The following SYNE1 variants were observed in gnomAD, a reference collection of about 807,000 sequenced individuals.
The protein encoded by SYNE1 is spectrin repeat containing nuclear envelope protein 1.
A neutral mutation model predicts 1,111.0 loss-of-function variants in SYNE1; 616 were observed. That is an observed-to-expected ratio of 0.55 (90% CI 0.52 to 0.59). The LOEUF is 0.59. SYNE1 is among the 20% of genes least tolerant of loss of function. SYNE1 has a pLI of 0.00. For synonymous variants in SYNE1, 3,855 were observed against 3,825.8 expected, an observed-to-expected ratio of 1.01 and a Z score of -0.28; for missense variants, 10,006 against 10,417.0, an observed-to-expected ratio of 0.96 and a Z score of 1.72.
chr6:152,320,285 G>C (rs747146205), intron 84 of SYNE1: 3 of 152,142 alleles, frequency 2.0e-5, no homozygotes, highest in Non-Finnish European at 4.4e-5. Flanking sequence ...AGTAGTTTAG[G>C]TCAAAGTCAT....
chr6:152,445,888 CTAAG>C (rs2098582840), intron 29 of SYNE1, among the ~76,000 whole-genome samples: 1 of 152,070 alleles, frequency 6.6e-6, no homozygotes, highest in African/African-American at 2.4e-5. Context: ...TCTGCTTTCA[CTAAG>C]TAAGTGATCA....
rs79943031 is a variant in SYNE1 at position 152,298,446 on chromosome 6, A to G, written c.17682+2195T>C. ...GCCTCGGTATTTCTACCTTCAAGTA[A>G]GCTAAACTGTTATTACATTTTAGCT... On this transcript the variant is annotated intron_variant, in intron 93 of 145. Coordinates refer to ENST00000367255, the MANE Select transcript of SYNE1 (RefSeq NM_182961.4). 7.1e-3 allele frequency among the ~76,000 whole-genome samples: 1,087 copies of G among 152,336 alleles called. 5 individuals are homozygous for G. The highest frequency in any genetic ancestry group is 0.011 in the Non-Finnish European group (742 of 68,026).
chr6:152,514,068 G>A (rs1173312547), intron 6 of SYNE1, among the ~76,000 whole-genome samples: 1 of 152,156 alleles, frequency 6.6e-6, no homozygotes, highest in Non-Finnish European at 1.5e-5. Flanking sequence ...AAGACAGTGT[G>A]GTGATTCCTC....
At chr6:152,301,035 C>G (rs771398897) in intron 92 of SYNE1, among the ~76,000 whole-genome samples, 1 of 152,168 alleles carries the variant, frequency 6.6e-6, no homozygotes, top group East Asian at 1.9e-4. Flanking sequence ...TGATTAAATA[C>G]TTCATTATTT....
chr6:152,451,351 C>A, intron 25 of SYNE1, 146 bp from the exon 26 acceptor site: 1 of 753,116 alleles, frequency 1.3e-6, no homozygotes. Flanking sequence ...CACACCTGGT[C>A]TCTCTACTTT....
intron 24 of SYNE1, 118 bp from the exon 25 acceptor site, chr6:152,453,838 C>T (rs2098672172): frequency 8.1e-7 from 1 of 1,227,670 alleles, no homozygotes; most frequent in Non-Finnish European, 1.2e-6. Flanking sequence ...CTCTTGCAGA[C>T]TTCCAGGCAC....
chr6:152,604,543 A>G (rs758689418), intron 3 of SYNE1, among the ~76,000 whole-genome samples: 5 of 152,108 alleles, frequency 3.3e-5, no homozygotes, highest in Non-Finnish European at 5.9e-5. Flanking sequence ...GACTCAAACA[A>G]TCCACCCACT....
intron 126 of SYNE1, among the ~76,000 whole-genome samples, chr6:152,204,074 T>G (rs1012450608): frequency 1.3e-5 from 2 of 152,082 alleles, no homozygotes; most frequent in Admixed American, 6.6e-5. Flanking sequence ...CTAAAAGAGA[T>G]AAGATCATCA....
At chr6:152,144,593 T>C (rs2059130549) in intron 137 of SYNE1, 1 of 152,190 alleles carries the variant, frequency 6.6e-6, no homozygotes, top group Non-Finnish European at 1.5e-5. Flanking sequence ...TAAGCTTTAT[T>C]AAATGTTTTT....
In SYNE1 at chr6:152,407,051, T is replaced by C; in HGVS notation, c.6686A>G (p.Asn2229Ser). The C allele has an allele frequency of 1.9e-6, 3 of 1,614,036 alleles. No homozygotes were observed. Among genetic ancestry groups the C allele is most frequent in the Non-Finnish European group, 2.5e-6 (3 of 1,179,992 alleles). Reference sequence around the variant, plus strand: ...AAGCAGTTCTTCAGCTCTGAGGTGGTTATCCAGGTTGCTGATGTTTTCTGC... The same window carrying C: ...AAGCAGTTCTTCAGCTCTGAGGTGGCTATCCAGGTTGCTGATGTTTTCTGC... ...QMAENISNLD[N>S]HLRAEELLKE... Residue 2229 changes from asparagine to serine, a missense_variant, in exon 45 of 146, where the codon AAC (asparagine) becomes AGC (serine). Transcript: ENST00000367255.
intron 3 of SYNE1, among the ~76,000 whole-genome samples, chr6:152,554,830 G>A (rs887500761): frequency 4.6e-5 from 7 of 152,276 alleles, no homozygotes; most frequent in Admixed American, 2.0e-4. Context: ...GGATTGCCAA[G>A]TAGTGGCATG....
chr6:152,156,179 G>T, intron 131 of SYNE1, 82 bp from the exon 132 acceptor site: 1 of 1,418,412 alleles, frequency 7.1e-7, no homozygotes, highest in Non-Finnish European at 1.0e-6. Flanking sequence ...GTTGGTAAAT[G>T]GCTAGGCTAC....
rs12528097 is a variant in SYNE1 at position 152,540,178 on chromosome 6, G to A, written c.68-157C>T. On this transcript the variant is annotated intron_variant, in intron 3 of 145. Transcript: ENST00000367255. Reference sequence around the variant, plus strand: ...TTGAAGGGAAAAGTCAACAAGAGTCGATCTACATAATCATATAGACTATTC... The same window carrying A: ...TTGAAGGGAAAAGTCAACAAGAGTCAATCTACATAATCATATAGACTATTC... 0.017 allele frequency among the ~76,000 whole-genome samples: 2,562 copies of A among 152,128 alleles called. 60 individuals carry two copies. Among genetic ancestry groups the A allele is most frequent in the African/African-American group, 0.056 (2,328 of 41,460 alleles).
At chr6:152,297,857 T>C (rs1320282713) in intron 93 of SYNE1, among the ~76,000 whole-genome samples, 2 of 151,278 alleles carry the variant, frequency 1.3e-5, no homozygotes, top group African/African-American at 2.4e-5. Context: ...CAGATATGAA[T>C]GACAACTCCT....
Position 152,206,180 on chromosome 6 carries a change from G to A in SYNE1, c.23007C>T (p.Ala7669=). The A allele has an allele frequency of 1.2e-6, 2 of 1,613,510 alleles. No homozygotes were observed. The highest frequency in any genetic ancestry group is 1.7e-6 in the Non-Finnish European group (2 of 1,180,004). The change falls in exon 126 of 146, where the codon GCC becomes GCT. Residue 7669 remains alanine, a synonymous_variant. Transcript: ENST00000367255. ...MRLEEQKKKL[A]FLLKDWEKCE... ...TAACTGAACTTACTTTCAACAAGAAGGCTAGTTTTTTCTTCTGTTCTTCCA... is the reference window on the plus strand; with the variant it reads ...TAACTGAACTTACTTTCAACAAGAAAGCTAGTTTTTTCTTCTGTTCTTCCA...
chr6:152,488,350 T>C (rs1484296478), intron 12 of SYNE1, 46 bp downstream of exon 12: 9 of 1,028,812 alleles, frequency 8.7e-6, no homozygotes, highest in Non-Finnish European at 1.4e-5. Flanking sequence ...TAAATATTAG[T>C]CAAAAATAGC....
intron 130 of SYNE1, among the ~76,000 whole-genome samples, chr6:152,171,673 G>C (rs2065244774): frequency 6.6e-6 from 1 of 152,176 alleles, no homozygotes; most frequent in Admixed American, 6.5e-5. Context: ...AGGCCCTGCA[G>C]TGAGGAACGC....
rs766469216 is a variant in SYNE1 at position 152,331,059 on chromosome 6, G to A, written c.13626C>T (p.Val4542=). The change falls in exon 78 of 146, where the codon GTC becomes GTT. Residue 4542 remains valine, a synonymous_variant. Transcript: ENST00000367255. ...TGCACTTTTGTAAAACACTGTCATA[G>A]ACACTCTGCAATTCCTGAAGCTTCC... ...VLGKLQELQS[V]YDSVLQKCSH... is the part of the protein sequence containing the mutation. 5 of 1,614,128 alleles carry A rather than the reference G, an allele frequency of 3.1e-6. No homozygotes were observed. In the South Asian group the frequency reaches 5.5e-5, roughly 18 times the overall value.
At chr6:152,542,862 C>T (rs1474607981) in intron 3 of SYNE1, among the ~76,000 whole-genome samples, 1 of 151,992 alleles carries the variant, frequency 6.6e-6, no homozygotes, top group African/African-American at 2.4e-5. Flanking sequence ...CTTTATAATG[C>T]ATAAAATCCA....
Sources: allele counts gnomAD v4.1 joint callset (sites outside exome capture counted in the v4.1 genomes callset), GRCh38; gene constraint gnomAD v4.1.1; transcripts MANE v1.5; gene names NCBI Gene and HGNC (gene_info 2026-07-23, HGNC 2026-07-21).